ROBO2: variants seen among roughly 807,000 people sequenced by gnomAD.
ROBO2 encodes roundabout guidance receptor 2, also known as roundabout homolog 2.
ROBO2 carries 53 observed loss-of-function variants against 160.8 expected under a neutral mutation model. That is an observed-to-expected ratio of 0.33 (90% CI 0.26 to 0.41). The LOEUF is 0.41. ROBO2 is among the 10% of genes least tolerant of loss of function. The pLI, the probability that ROBO2 is intolerant of heterozygous loss-of-function variation, is 1.00. For missense variants in ROBO2, 1,577 were observed against 1,722.4 expected, an observed-to-expected ratio of 0.92 and a Z score of 1.49; for synonymous variants, 664 against 611.7, an observed-to-expected ratio of 1.09 and a Z score of -1.26.
At chr3:76,350,605 A>T (rs1186740372) in intron 2 of ROBO2, among the ~76,000 whole-genome samples, 1 of 152,088 alleles carries the variant, frequency 6.6e-6, no homozygotes, top group African/African-American at 2.4e-5. Context: ...TATTTAATAT[A>T]ATCATTAATG....
At chr3:75,910,814 C>T (rs557833345) in intron 1 of ROBO2, among the ~76,000 whole-genome samples, 1 of 152,038 alleles carries the variant, frequency 6.6e-6, no homozygotes, top group Non-Finnish European at 1.5e-5. Context: ...ATATATTACA[C>T]AAGAGTGAAC....
chr3:76,387,638 A>C (rs1276271906), intron 2 of ROBO2, among the ~76,000 whole-genome samples: 1 of 152,160 alleles, frequency 6.6e-6, no homozygotes, highest in Non-Finnish European at 1.5e-5. Flanking sequence ...AGTTATTATA[A>C]TTATTTTTCC....
At chr3:77,493,981 ACAAAACCCC>A (rs2086464489) in intron 5 of ROBO2, among the ~76,000 whole-genome samples, 1 of 152,002 alleles carries the variant, frequency 6.6e-6, no homozygotes, top group Admixed American at 6.6e-5. Context: ...TGTTCTTATC[ACAAAACCCC>A]CAAACCCAAT....
rs77205356 is a variant in ROBO2 at position 77,552,755 on chromosome 3, A to G, written c.1231+1766A>G. On this transcript the variant is annotated intron_variant, in intron 8 of 25. Transcript: ENST00000461745. Reference sequence around the variant, plus strand: ...ATTTTGACAGTAAAGAAATGAAACTATAAGAACTAAATATGTACACACATG... The same window carrying G: ...ATTTTGACAGTAAAGAAATGAAACTGTAAGAACTAAATATGTACACACATG... 2.2e-3 allele frequency among the ~76,000 whole-genome samples: 331 copies of G among 152,186 alleles called. 2 individuals carry two copies. Among genetic ancestry groups the G allele is most frequent in the African/African-American group, 7.7e-3 (318 of 41,566 alleles).
intron 2 of ROBO2, among the ~76,000 whole-genome samples, chr3:77,113,680 T>G (rs1017744610): frequency 6.6e-6 from 1 of 152,212 alleles, no homozygotes; most frequent in South Asian, 2.1e-4. Context: ...ACTTGAGGAC[T>G]GCATGGTTGT....
At chr3:76,442,913 T>A in intron 2 of ROBO2, among the ~76,000 whole-genome samples, 1 of 152,182 alleles carries the variant, frequency 6.6e-6, no homozygotes, top group African/African-American at 2.4e-5. Flanking sequence ...AGCTTTTTCA[T>A]AGGTAAATGT....
intron 2 of ROBO2, among the ~76,000 whole-genome samples, chr3:77,301,938 T>C (rs2153413342): frequency 6.6e-6 from 1 of 152,126 alleles, no homozygotes; most frequent in Middle Eastern, 3.4e-3. Context: ...GGTCTTACTC[T>C]GTCACCCAGA....
intron 2 of ROBO2, among the ~76,000 whole-genome samples, chr3:76,088,444 C>T (rs1331507197): frequency 1.3e-5 from 2 of 151,942 alleles, no homozygotes; most frequent in African/African-American, 4.8e-5. Flanking sequence ...ATAGAAGGTT[C>T]ACCAAGATAG....
At chr3:77,300,777 C>T (rs1020205431) in intron 2 of ROBO2, among the ~76,000 whole-genome samples, 6 of 151,948 alleles carry the variant, frequency 3.9e-5, no homozygotes, top group Admixed American at 2.0e-4. Flanking sequence ...TTACAGGAGA[C>T]ATTTAGGGGC....
intron 9 of ROBO2, among the ~76,000 whole-genome samples, chr3:77,558,447 A>C (rs1263777201): frequency 6.6e-6 from 1 of 152,124 alleles, no homozygotes; most frequent in African/African-American, 2.4e-5. Context: ...TATGAGTAGT[A>C]GGGTATTGGA....
At chr3:76,946,141 G>C (rs1368823790) in intron 2 of ROBO2, among the ~76,000 whole-genome samples, 1 of 152,122 alleles carries the variant, frequency 6.6e-6, no homozygotes, top group East Asian at 1.9e-4. Flanking sequence ...CTAGAACACT[G>C]TTTAGTGTAC....
intron 2 of ROBO2, among the ~76,000 whole-genome samples, chr3:77,169,188 A>G (rs2079391387): frequency 1.3e-5 from 2 of 152,214 alleles, no homozygotes; most frequent in African/African-American, 4.8e-5. Context: ...TGAATTTATG[A>G]ACAAGTCAAT....
At chr3:76,775,808 G>T (rs1199692854) in intron 2 of ROBO2, among the ~76,000 whole-genome samples, 3 of 150,678 alleles carry the variant, frequency 2.0e-5, no homozygotes, top group Non-Finnish European at 3.0e-5. Context: ...AAACCTAAGT[G>T]ATATCTAAAA....
chr3:76,189,921 A>G (rs1372258646), intron 2 of ROBO2, among the ~76,000 whole-genome samples: 1 of 152,156 alleles, frequency 6.6e-6, no homozygotes, highest in Non-Finnish European at 1.5e-5. Flanking sequence ...CAGGAAATAC[A>G]TGCCTGTCTC....
intron 2 of ROBO2, among the ~76,000 whole-genome samples, chr3:77,249,939 C>T (rs1408362755): frequency 6.6e-6 from 1 of 151,046 alleles, no homozygotes; most frequent in Non-Finnish European, 1.5e-5. Context: ...AAAAGTTTTA[C>T]TTGAAGAACT....
chr3:77,560,112 T>C (rs537496732), intron 9 of ROBO2, among the ~76,000 whole-genome samples: 1 of 152,210 alleles, frequency 6.6e-6, no homozygotes, highest in Admixed American at 6.6e-5. Context: ...AGATTTCTAG[T>C]AGTGTTTGAA....
intron 2 of ROBO2, among the ~76,000 whole-genome samples, chr3:77,176,200 T>G (rs1276892049): frequency 6.6e-6 from 1 of 151,882 alleles, no homozygotes; most frequent in East Asian, 1.9e-4. Context: ...TTCATTTACT[T>G]CAGAGCTAAT....
chr3:77,225,267 T>A (rs2086335917), intron 2 of ROBO2, among the ~76,000 whole-genome samples: 1 of 151,950 alleles, frequency 6.6e-6, no homozygotes, highest in Admixed American at 6.6e-5. Context: ...ATAATTGGAA[T>A]TACTATGCTC....
chr3:76,492,312 A>G (rs987736457), intron 2 of ROBO2, among the ~76,000 whole-genome samples: 1 of 152,130 alleles, frequency 6.6e-6, no homozygotes, highest in Non-Finnish European at 1.5e-5. Flanking sequence ...AGCTTTGTTG[A>G]TCAAAACAAT....
Sources: allele counts gnomAD v4.1 joint callset (sites outside exome capture counted in the v4.1 genomes callset), GRCh38; gene constraint gnomAD v4.1.1; transcripts MANE v1.5; gene names NCBI Gene and HGNC (gene_info 2026-07-23, HGNC 2026-07-21).